The following ZC3H7A variants were observed in gnomAD, a reference collection of about 807,000 sequenced individuals.
ZC3H7A encodes the protein zinc finger CCCH domain-containing protein 7A.
ZC3H7A carries 44 observed loss-of-function variants against 125.5 expected under a neutral mutation model. The ratio of observed to expected loss-of-function variants is 0.35; its 90% CI spans 0.28 to 0.45. The LOEUF (loss-of-function observed/expected upper bound fraction) is 0.45. Ranked by LOEUF, ZC3H7A falls within the 20% of genes least tolerant of loss-of-function variation. ZC3H7A has a pLI of 1.00. For missense variants in ZC3H7A, 977 were observed against 1,170.7 expected (o/e 0.83, Z 2.41); for synonymous variants, 399 against 391.2 (o/e 1.02, Z -0.23).
chr16:11,751,977 C>A (rs1256097043), intron 22 of ZC3H7A, among the ~76,000 whole-genome samples: 3 of 150,070 alleles, frequency 2.0e-5, no homozygotes, highest in Non-Finnish European at 4.4e-5. Context: ...GCAACCTCGG[C>A]TCACTACAAC....
chr16:11,767,647 C>T (rs2052884175), intron 12 of ZC3H7A, 69 bp from the exon 13 acceptor site: 2 of 1,421,304 alleles, frequency 1.4e-6, no homozygotes, highest in Non-Finnish European at 1.9e-6. Context: ...GGTAAATTTA[C>T]AAGCAGACAT....
In ZC3H7A at chr16:11,768,832, G is replaced by A. The variant is rs372684694; in HGVS notation, c.1173+199C>T. On this transcript the variant is annotated intron_variant, in intron 11 of 22. Transcript: ENST00000355758. ...AGCCTCTTACATTGTCTGCAATACCGATTAATTTGCTATGACAGATCAAGT... is the reference window on the plus strand; with the variant it reads ...AGCCTCTTACATTGTCTGCAATACCAATTAATTTGCTATGACAGATCAAGT... Among the ~76,000 whole-genome samples, 4 of 152,054 alleles carry A rather than the reference G, an allele frequency of 2.6e-5. No homozygotes were observed. In the East Asian group the frequency reaches 5.8e-4, roughly 22 times the overall value.
intron 1 of ZC3H7A, among the ~76,000 whole-genome samples, chr16:11,789,241 A>T (rs1567395995): frequency 6.6e-6 from 1 of 152,066 alleles, no homozygotes; most frequent in Non-Finnish European, 1.5e-5. Flanking sequence ...AAAAGGTAAA[A>T]GTATTCTGTG....
At position 11,770,245 on chromosome 16, in the gene ZC3H7A, T is replaced by C. The variant is rs1567381935; in HGVS notation, c.1108+538A>G. On this transcript the variant is annotated intron_variant, in intron 10 of 22. Transcript: ENST00000355758. ...CTTCAAAAAAATATTTTTCTAGTGA[T>C]TGTTTGAAGTATATATGTTAAACCT... Among the ~76,000 whole-genome samples the C allele has an allele frequency of 2.0e-5, 3 of 152,328 alleles. No individual in the cohort carries two copies. The East Asian group carries it at 5.8e-4, about 29-fold the overall frequency.
chr16:11,784,280 CT>C (rs1311408700), intron 1 of ZC3H7A, among the ~76,000 whole-genome samples: 23 of 151,996 alleles, frequency 1.5e-4, no homozygotes, highest in Non-Finnish European at 2.4e-4. Flanking sequence ...ACCCTTCTAG[CT>C]ACTTGGACAT....
rs370322339 is a variant in ZC3H7A, at chr16:11,782,340, G to A, written c.15C>T (p.Ser5=). 3.1e-6 allele frequency: 5 copies of A among 1,613,886 alleles called. No homozygotes were observed. The highest frequency in any genetic ancestry group is 1.3e-5 in the African/African-American group (1 of 74,944). The part of the protein sequence containing the change: MSNV[S]EERRKRQQNI... ...TCTGCTGCCTTTTTCTTCTCTCCTC[G>A]GACACATTGGACATGTTATCCCACA... The change falls in exon 2 of 23, where the codon TCC becomes TCT. Residue 5 remains serine, a synonymous_variant. Transcript: ENST00000355758.
chr16:11,765,792 G>C lies in ZC3H7A; in HGVS notation c.1523-107C>G, dbSNP rs949640758. The stretch of plus-strand genomic sequence containing the variant: ...GGATCCCTTGAGCCCAGGAGTTCAA[G>C]GCTGCGGTGAGCAATGATCTTGCCA... On this transcript the variant is annotated intron_variant, in intron 13 of 22. Transcript: ENST00000355758. This position sits in a 1 kb window ranked among gnomAD's most constrained non-coding sequence, Gnocchi z 4.8. 2 of 1,064,854 alleles carry C rather than the reference G, an allele frequency of 1.9e-6. No homozygotes were observed. Among genetic ancestry groups the C allele is most frequent in the Non-Finnish European group, 1.3e-6 (1 of 759,908 alleles). The allele number at this position is 1,064,854 out of a possible 1,614,324, so 66.0% of individuals were successfully genotyped here.
chr16:11,771,630 A>G (rs140354368), intron 9 of ZC3H7A, among the ~76,000 whole-genome samples: 6,862 of 151,332 alleles, frequency 0.045, 545 homozygotes, highest in African/African-American at 0.16. Context: ...CCTCCTGTGT[A>G]GCTGGGATTA....
At chr16:11,763,730 TA>T (rs2052796490) in intron 15 of ZC3H7A, 71 bp from the exon 16 acceptor site, 1 of 12,526 alleles carries the variant, frequency 8.0e-5, no homozygotes, top group Non-Finnish European at 1.3e-4. Context: ...TATATATATA[TA>T]TATATATATA....
chr16:11,776,271 T>A, intron 7 of ZC3H7A, 49 bp downstream of exon 7: 1 of 1,536,784 alleles, frequency 6.5e-7, no homozygotes, highest in Non-Finnish European at 8.8e-7. Flanking sequence ...ATTGCTCCCA[T>A]CCTTCCCTTT....
intron 11 of ZC3H7A, 22 bp from the exon 12 acceptor site, chr16:11,768,523 A>G (rs770495761): frequency 3.8e-5 from 55 of 1,446,096 alleles, no homozygotes; most frequent in Middle Eastern, 1.9e-4. Flanking sequence ...ATAAGAAGAA[A>G]AAAAAAAAAA....
At position 11,761,422 on chromosome 16, in the gene ZC3H7A, ATT is replaced by A; in HGVS notation, c.2301_2302del (p.Gln767HisfsTer6). ...CGTATGTACATCAAACTGTAAAGGC[ATT>A]TGTTTCTTTGTGGGGAGAGGACGGA... On this transcript the variant is annotated frameshift_variant, in exon 19 of 23. Coordinates refer to ENST00000355758, the MANE Select transcript of ZC3H7A (RefSeq NM_014153.4). LOFTEE classifies it high-confidence loss of function. 1 of 1,614,072 alleles carries A rather than the reference ATT, an allele frequency of 6.2e-7. No individual in the cohort carries two copies. Among genetic ancestry groups the A allele is most frequent in the Non-Finnish European group, 8.5e-7 (1 of 1,179,956 alleles).
intron 9 of ZC3H7A, among the ~76,000 whole-genome samples, chr16:11,773,073 T>C (rs2053015107): frequency 6.6e-6 from 1 of 151,968 alleles, no homozygotes; most frequent in South Asian, 2.1e-4. Context: ...GACTCAACTA[T>C]GCTGTTGCAG....
chr16:11,765,291 G>A lies in ZC3H7A; in HGVS notation c.1720-138C>T. The A allele has an allele frequency of 1.5e-6, 1 of 674,594 alleles. No homozygotes were observed. 41.8% of individuals were successfully genotyped at this position (674,594 alleles called of 1,614,324 possible). On this transcript the variant is annotated intron_variant, in intron 14 of 22. Transcript: ENST00000355758. The surrounding 1 kb of genome is among the most constrained non-coding windows in gnomAD (Gnocchi z 4.8). ...AATATTCTTTTTGGTAACAGTAATA[G>A]CCAACATTTACTGAATGAATGTTTT...
chr16:11,754,545 C>T (rs904280788), intron 21 of ZC3H7A, among the ~76,000 whole-genome samples: 2 of 151,902 alleles, frequency 1.3e-5, no homozygotes, highest in East Asian at 3.9e-4. Context: ...GGCAGTAACA[C>T]ATATGCTTAT....
At chr16:11,782,779 T>TA (rs1403681072) in intron 1 of ZC3H7A, 1 of 157,952 alleles carries the variant, frequency 6.3e-6, no homozygotes, top group East Asian at 1.8e-4. Flanking sequence ...CACGCCTGGC[T>TA]AATTTTTGTA....
At chr16:11,787,930 G>A (rs2053284189) in intron 1 of ZC3H7A, among the ~76,000 whole-genome samples, 1 of 151,022 alleles carries the variant, frequency 6.6e-6, no homozygotes, top group South Asian at 2.1e-4. Context: ...TGGGGGACAA[G>A]AGCAAGACTT....
At chr16:11,754,753 G>A (rs2052611428) in intron 21 of ZC3H7A, among the ~76,000 whole-genome samples, 1 of 151,682 alleles carries the variant, frequency 6.6e-6, no homozygotes, top group Non-Finnish European at 1.5e-5. Context: ...TTAGCCGTGC[G>A]TGGTGGCCGG....
intron 11 of ZC3H7A, 170 bp from the exon 12 acceptor site, chr16:11,768,671 T>G: frequency 1.4e-6 from 1 of 703,568 alleles, no homozygotes; most frequent in Non-Finnish European, 2.1e-6. Context: ...TTTCTACATT[T>G]TTCTCTCTTT....
Sources: allele counts gnomAD v4.1 joint callset (sites outside exome capture counted in the v4.1 genomes callset), GRCh38; gene constraint gnomAD v4.1.1; non-coding constraint Gnocchi (gnomAD v3.1); transcripts MANE v1.5; gene names NCBI Gene and HGNC (gene_info 2026-07-23, HGNC 2026-07-21).